The following SLC44A5 variants were observed in gnomAD, a reference collection of about 807,000 sequenced individuals.
SLC44A5 encodes the protein solute carrier family 44 member 5.
A neutral mutation model predicts 101.8 loss-of-function variants in SLC44A5; 57 were observed. The ratio of observed to expected loss-of-function variants is 0.56; its 90% CI spans 0.45 to 0.70. SLC44A5 has a LOEUF of 0.70. SLC44A5 is among the 30% of genes least tolerant of loss of function. The pLI, the probability that SLC44A5 is intolerant of heterozygous loss-of-function variation, is 0.00. For synonymous variants in SLC44A5, 281 were observed against 290.9 expected (o/e 0.97, Z 0.35); for missense variants, 737 against 853.1 (o/e 0.86, Z 1.70).
intron 2 of SLC44A5, among the ~76,000 whole-genome samples, chr1:75,507,716 T>C (rs1487729364): frequency 2.0e-5 from 3 of 152,168 alleles, no homozygotes; most frequent in Non-Finnish European, 4.4e-5. Flanking sequence ...TTATGACTGA[T>C]TCCATTTCAG....
intron 6 of SLC44A5, among the ~76,000 whole-genome samples, chr1:75,258,912 C>G (rs529342287): frequency 6.6e-6 from 1 of 152,118 alleles, no homozygotes; most frequent in African/African-American, 2.4e-5. Flanking sequence ...CCAGTAAACT[C>G]CAGCAGACCT....
At chr1:75,481,900 C>G (rs903191506) in intron 2 of SLC44A5, among the ~76,000 whole-genome samples, 1 of 152,148 alleles carries the variant, frequency 6.6e-6, no homozygotes, top group Non-Finnish European at 1.5e-5. Context: ...TAGAATTTGA[C>G]CCAGCCATCC....
At chr1:75,300,763 G>C in intron 4 of SLC44A5, 78 bp from the exon 5 acceptor site, 1 of 890,616 alleles carries the variant, frequency 1.1e-6, no homozygotes, top group South Asian at 2.1e-5. Flanking sequence ...TGAAGGAAGA[G>C]AGAAAAAGAT....
At chr1:75,512,648 T>C (rs889817785) in intron 2 of SLC44A5, among the ~76,000 whole-genome samples, 1 of 152,130 alleles carries the variant, frequency 6.6e-6, no homozygotes, top group Non-Finnish European at 1.5e-5. Context: ...CAAGTAGATA[T>C]TGGATGTAGT....
At chr1:75,251,900 T>C (rs181207028) in intron 6 of SLC44A5, among the ~76,000 whole-genome samples, 200 of 152,322 alleles carry the variant, frequency 1.3e-3, no homozygotes, top group Admixed American at 2.6e-3. Context: ...GAGTGGTATA[T>C]TACTCTGCCA....
At chr1:75,322,805 T>G (rs1216435288) in intron 4 of SLC44A5, among the ~76,000 whole-genome samples, 2 of 152,142 alleles carry the variant, frequency 1.3e-5, no homozygotes, top group Non-Finnish European at 2.9e-5. Context: ...AACTCTACAC[T>G]CATAACCTAG....
At chr1:75,597,686 A>T (rs2102135111) in intron 1 of SLC44A5, among the ~76,000 whole-genome samples, 1 of 152,324 alleles carries the variant, frequency 6.6e-6, no homozygotes, top group East Asian at 1.9e-4. Flanking sequence ...TGACAAAAAC[A>T]AGCAATGGAG....
At position 75,217,972 on chromosome 1, in the gene SLC44A5, T is replaced by A. The variant is rs1428593976; in HGVS notation, c.1530-12A>T. On this transcript the variant is annotated splice_polypyrimidine_tract_variant and intron_variant, in intron 17 of 23. Coordinates refer to ENST00000370859, the MANE Select transcript of SLC44A5 (RefSeq NM_001130058.2). Reference sequence around the variant, plus strand: ...ATCCTGTGTGATATCTGCACAAAAATAAAATGAGAATAAGTTAAAACTTAA... The same window carrying A: ...ATCCTGTGTGATATCTGCACAAAAAAAAAATGAGAATAAGTTAAAACTTAA... 2 of 1,523,476 alleles carry A rather than the reference T, an allele frequency of 1.3e-6. No individual in the cohort carries two copies. The highest frequency in any genetic ancestry group is 1.4e-5 in the African/African-American group (1 of 72,682). The allele number at this position is 1,523,476 out of a possible 1,614,324, so 94.4% of individuals were successfully genotyped here. A position where few individuals can be genotyped will look rare whatever the true frequency, so the allele number is the denominator to read the frequency against.
intron 2 of SLC44A5, among the ~76,000 whole-genome samples, chr1:75,429,749 T>C (rs1480979746): frequency 1.3e-5 from 2 of 152,088 alleles, no homozygotes; most frequent in Non-Finnish European, 2.9e-5. Flanking sequence ...ATGCCACACA[T>C]GCCAGATCTC....
intron 5 of SLC44A5, among the ~76,000 whole-genome samples, chr1:75,278,745 A>G (rs1361399543): frequency 2.6e-5 from 4 of 152,172 alleles, no homozygotes; most frequent in South Asian, 2.1e-4. Context: ...GGAAATATGT[A>G]TATTGAATAG....
chr1:75,525,411 A>G (rs1313176287), intron 2 of SLC44A5, among the ~76,000 whole-genome samples: 2 of 152,200 alleles, frequency 1.3e-5, no homozygotes. Flanking sequence ...CATTAGACCC[A>G]TTTTAGTTTA....
At chr1:75,552,554 T>TATGA (rs1306548893) in intron 1 of SLC44A5, among the ~76,000 whole-genome samples, 107 of 151,946 alleles carry the variant, frequency 7.0e-4, no homozygotes, top group African/African-American at 2.5e-3. Context: ...TATAAACATA[T>TATGA]ATGAATGAAT....
intron 2 of SLC44A5, among the ~76,000 whole-genome samples, chr1:75,535,514 C>T (rs72684156): frequency 1.3e-5 from 2 of 152,288 alleles, no homozygotes; most frequent in East Asian, 1.9e-4. Flanking sequence ...CCTTAGCCCC[C>T]TAAGTTAGCC....
chr1:75,216,501 T>A (rs1465496263), intron 18 of SLC44A5, among the ~76,000 whole-genome samples: 1 of 151,950 alleles, frequency 6.6e-6, no homozygotes, highest in African/African-American at 2.4e-5. Flanking sequence ...TATTTAAAAA[T>A]TTTTTAGAAG....
At position 75,423,005 on chromosome 1, in the gene SLC44A5, T is replaced by C. The variant is rs1409051581; in HGVS notation, c.14-26384A>G. The stretch of plus-strand genomic sequence containing the variant: ...TAAAATAGTAAAGTCTTCCATTTTC[T>C]CTGCTCTCAAAATTCCCAAGGCTTA... On this transcript the variant is annotated intron_variant, in intron 2 of 23. Coordinates refer to ENST00000370859, the MANE Select transcript of SLC44A5 (RefSeq NM_001130058.2). 2.0e-5 allele frequency among the ~76,000 whole-genome samples: 3 copies of C among 152,114 alleles called. No homozygotes were observed. The South Asian group carries it at 6.2e-4, about 31-fold the overall frequency.
At chr1:75,657,477 G>A in the SLC44A5 span, among the ~76,000 whole-genome samples, 1 of 151,604 alleles carries the variant, frequency 6.6e-6, no homozygotes, top group African/African-American at 2.4e-5. Flanking sequence ...TGAGCCAGGA[G>A]CTGGAGGTTG....
rs1367178199 is a variant in SLC44A5, at chr1:75,537,029, AAAAAATAT to A, written c.13+4398_13+4405del. On this transcript the variant is annotated intron_variant, in intron 2 of 23. Transcript: ENST00000370859. ...TCAAAAAAAAAAAAAAAAAAAAAAA[AAAAAATAT>A]ATATCTATGCCAAATGATTCTGAAT... Among the ~76,000 whole-genome samples, 66 of 25,252 alleles carry A rather than the reference AAAAAATAT, an allele frequency of 2.6e-3. 2 individuals are homozygous for A. Among genetic ancestry groups the A allele is most frequent in the African/African-American group, 3.9e-3 (62 of 16,030 alleles). 16.6% of individuals were successfully genotyped at this position (25,252 alleles called of 152,430 possible).
intron 11 of SLC44A5, 130 bp downstream of exon 11, chr1:75,236,857 A>C (rs1204430660): frequency 1.9e-6 from 1 of 516,484 alleles, no homozygotes; most frequent in Non-Finnish European, 3.6e-6. Flanking sequence ...CTGACATCTG[A>C]GTGAAATTTG....
the SLC44A5 span, among the ~76,000 whole-genome samples, chr1:75,645,084 C>G: frequency 2.0e-5 from 3 of 152,092 alleles, no homozygotes; most frequent in Non-Finnish European, 4.4e-5. Context: ...CCACAATAAA[C>G]ATATGTGTGC....
Sources: gnomAD v4.1 joint callset for allele counts (sites outside exome capture counted in the v4.1 genomes callset) on GRCh38, gnomAD v4.1.1 for gene constraint, MANE v1.5 for transcripts, NCBI Gene and HGNC (gene_info 2026-07-23, HGNC 2026-07-21) for gene names.